The following TMEM74 variants were observed in gnomAD, a reference collection of about 807,000 sequenced individuals.
TMEM74 encodes the protein transmembrane protein 74.
TMEM74 carries 13 observed loss-of-function variants against 18.1 expected under a neutral mutation model. That is an observed-to-expected ratio of 0.72 (90% CI 0.47 to 1.14). The LOEUF is 1.14. Ranked by LOEUF, TMEM74 falls within the 50% of genes most tolerant of loss-of-function variation. The pLI is 0.00. For missense variants in TMEM74, 372 were observed against 375.9 expected (o/e 0.99, Z 0.09); for synonymous variants, 159 against 146.6 (o/e 1.08, Z -0.61).
At chr8:108,683,247 G>A (rs1428423029) in intron 1 of TMEM74, among the ~76,000 whole-genome samples, 1 of 151,632 alleles carries the variant, frequency 6.6e-6, no homozygotes, top group Non-Finnish European at 1.5e-5. Context: ...ACTTTCTGAA[G>A]CATTAAAAGT....
intron 2 of TMEM74, among the ~76,000 whole-genome samples, chr8:108,631,746 C>T (rs115051462): frequency 0.017 from 2,634 of 152,040 alleles, 74 homozygotes; most frequent in African/African-American, 0.06. Context: ...GCTTTTGTTG[C>T]GATTGCTTCT....
At chr8:108,732,334 C>G (rs113142013) in intron 1 of TMEM74, among the ~76,000 whole-genome samples, 1 of 152,106 alleles carries the variant, frequency 6.6e-6, no homozygotes, top group African/African-American at 2.4e-5. Flanking sequence ...CATTTATATA[C>G]GTGTGTGTGT....
At chr8:108,681,944 T>C (rs1255586320) in intron 1 of TMEM74, among the ~76,000 whole-genome samples, 1 of 152,182 alleles carries the variant, frequency 6.6e-6, no homozygotes, top group Non-Finnish European at 1.5e-5. Context: ...CCACCATTAC[T>C]TCCTGCATGA....
chr8:108,743,951 C>T (rs1254142297), intron 1 of TMEM74, among the ~76,000 whole-genome samples: 1 of 152,014 alleles, frequency 6.6e-6, no homozygotes, highest in Non-Finnish European at 1.5e-5. Context: ...CAGTTTTTAC[C>T]TAGGGATTTA....
chr8:108,722,760 G>A (rs1254030440), intron 1 of TMEM74, among the ~76,000 whole-genome samples: 1 of 151,920 alleles, frequency 6.6e-6, no homozygotes, highest in African/African-American at 2.4e-5. Context: ...TTTAAAAGGG[G>A]ATGCTTTATT....
intron 1 of TMEM74, among the ~76,000 whole-genome samples, chr8:108,667,933 T>C (rs918087440): frequency 6.6e-6 from 1 of 152,182 alleles, no homozygotes; most frequent in African/African-American, 2.4e-5. Flanking sequence ...ATCTGCTTCA[T>C]TTTATGGACA....
intron 2 of TMEM74, among the ~76,000 whole-genome samples, chr8:108,613,581 T>C (rs1206113311): frequency 2.6e-5 from 4 of 152,226 alleles, no homozygotes; most frequent in Non-Finnish European, 5.9e-5. Context: ...GATTTTACTG[T>C]TCTTTGGTAA....
At chr8:108,767,885 A>G (rs984119359) in intron 1 of TMEM74, among the ~76,000 whole-genome samples, 4 of 151,994 alleles carry the variant, frequency 2.6e-5, no homozygotes, top group Non-Finnish European at 4.4e-5. Context: ...TTTTTCAGGG[A>G]CATTTTGATT....
chr8:108,655,190 G>C lies in TMEM74; in HGVS notation n.264+103C>G, dbSNP rs1399541263. 2 of 152,084 alleles carry C rather than the reference G, an allele frequency of 1.3e-5. 1 individual carries two copies. The highest frequency in any genetic ancestry group is 2.9e-5 in the Non-Finnish European group (2 of 68,018). The allele number at this position is 152,084 out of a possible 1,614,324, so 9.4% of individuals were successfully genotyped here. A position where few individuals can be genotyped will look rare whatever the true frequency, so the allele number is the denominator to read the frequency against. ...AGTTACTCCTGAACCCATTATAAAT[G>C]GCTTTCAGTCCACCATTCTGCTAAA... On this transcript the variant is annotated intron_variant and non_coding_transcript_variant, in intron 2 of 3. Coordinates refer to the TMEM74 transcript ENST00000518838.
intron 1 of TMEM74, among the ~76,000 whole-genome samples, chr8:108,662,531 A>G (rs936874303): frequency 6.6e-6 from 1 of 152,084 alleles, no homozygotes; most frequent in African/African-American, 2.4e-5. Flanking sequence ...GTTTAGTAGA[A>G]CTACCCTGCT....
At position 108,781,135 on chromosome 8, in the gene TMEM74, G is replaced by A. The variant is rs976648364; in HGVS notation, c.*3046C>T. Among the ~76,000 whole-genome samples, 1 of 152,086 alleles carries A rather than the reference G, an allele frequency of 6.6e-6. No individual in the cohort carries two copies. Among genetic ancestry groups the A allele is most frequent in the African/African-American group, 2.4e-5 (1 of 41,416 alleles). ...ACTAGGAAGATGACTCTTGAGTTTA[G>A]ATTTCTAAAACCATGTAAATAAGCT... On this transcript the variant is annotated 3_prime_UTR_variant, in exon 2 of 2. Transcript: ENST00000297459.
At chr8:108,705,364 T>C (rs1444456011) in intron 1 of TMEM74, among the ~76,000 whole-genome samples, 1 of 152,210 alleles carries the variant, frequency 6.6e-6, no homozygotes, top group Non-Finnish European at 1.5e-5. Context: ...GAATGCAGAT[T>C]TAATTCAGAG....
intron 1 of TMEM74, among the ~76,000 whole-genome samples, chr8:108,698,634 A>G (rs10096148): frequency 0.15 from 22,880 of 152,128 alleles, 2,001 homozygotes; most frequent in East Asian, 0.3. Flanking sequence ...CATGGTTATC[A>G]TATTTACTCA....
Position 108,617,668 on chromosome 8 carries a change from G to C in TMEM74, n.265-8842C>G, listed in dbSNP as rs149815739. Among the ~76,000 whole-genome samples the C allele has an allele frequency of 1.6e-4, 25 of 152,128 alleles. No individual in the cohort carries two copies. In the East Asian group the frequency reaches 4.6e-3, roughly 28 times the overall value. On this transcript the variant is annotated intron_variant and non_coding_transcript_variant, in intron 2 of 3. Transcript: ENST00000518838. ...CAGCTGATCTAACAGGAAGAACCCA[G>C]ACCCCATAAAAATGGAATGAATGGA... is the stretch of plus-strand genomic sequence containing the variant.
intron 1 of TMEM74, among the ~76,000 whole-genome samples, chr8:108,733,582 A>C (rs1813717135): frequency 6.6e-6 from 1 of 152,118 alleles, no homozygotes; most frequent in Non-Finnish European, 1.5e-5. Context: ...ACATAAGTAC[A>C]CTCATTTGTC....
intron 1 of TMEM74, among the ~76,000 whole-genome samples, chr8:108,772,970 T>C (rs1433678355): frequency 2.0e-5 from 3 of 152,136 alleles, no homozygotes; most frequent in African/African-American, 7.2e-5. Flanking sequence ...GTGTTAGCTT[T>C]TATTATTAAC....
chr8:108,768,960 A>T (rs1814141138), intron 1 of TMEM74, among the ~76,000 whole-genome samples: 1 of 152,058 alleles, frequency 6.6e-6, no homozygotes. Context: ...GAAGATATTG[A>T]GAGAAAATAT....
intron 2 of TMEM74, among the ~76,000 whole-genome samples, chr8:108,641,284 C>A (rs916507159): frequency 1.3e-5 from 2 of 152,144 alleles, no homozygotes; most frequent in African/African-American, 2.4e-5. Flanking sequence ...ATACTCATTA[C>A]AGACATCTTT....
At position 108,670,171 on chromosome 8, in the gene TMEM74, A is replaced by T. The variant is rs189124779; in HGVS notation, n.120-14734T>A. 6.2e-4 allele frequency among the ~76,000 whole-genome samples: 95 copies of T among 152,270 alleles called. No homozygotes were observed. The East Asian group carries it at 0.014, about 23-fold the overall frequency. Reference sequence around the variant, plus strand: ...AAATGTTCACTCTGAATCTGGATAAATTATTTGATCTGCTGTCAAAAGTCC... The same window carrying T: ...AAATGTTCACTCTGAATCTGGATAATTTATTTGATCTGCTGTCAAAAGTCC... On this transcript the variant is annotated intron_variant and non_coding_transcript_variant, in intron 1 of 3. Transcript: ENST00000518838.
Sources: allele counts gnomAD v4.1 joint callset (sites outside exome capture counted in the v4.1 genomes callset), GRCh38; gene constraint gnomAD v4.1.1; transcripts MANE v1.5; gene names NCBI Gene and HGNC (gene_info 2026-07-23, HGNC 2026-07-21).